The following SPIDR variants were observed in gnomAD, a reference collection of about 807,000 sequenced individuals.
The protein encoded by SPIDR is DNA repair-scaffolding protein.
Under a neutral mutation model 104.6 loss-of-function variants are expected in SPIDR, and 93 were observed. That is an observed-to-expected ratio of 0.89 (90% CI 0.75 to 1.06). The LOEUF (loss-of-function observed/expected upper bound fraction) is 1.06, where lower values mean the gene tolerates loss of function less well. Ranked by LOEUF, SPIDR falls within the 50% of genes least tolerant of loss-of-function variation. The pLI, the probability that SPIDR is intolerant of heterozygous loss-of-function variation, is 0.00. For missense variants in SPIDR, 1,154 were observed against 1,111.2 expected, an observed-to-expected ratio of 1.04 and a Z score of -0.55; for synonymous variants, 431 against 416.9, an observed-to-expected ratio of 1.03 and a Z score of -0.41.
chr8:47,674,074 C>G, intron 11 of SPIDR, 133 bp downstream of exon 11: 1 of 1,147,008 alleles, frequency 8.7e-7, no homozygotes, highest in Non-Finnish European at 1.2e-6. Flanking sequence ...TAAAACAAGG[C>G]CAGGAGTTGA....
intron 7 of SPIDR, among the ~76,000 whole-genome samples, chr8:47,436,772 C>A (rs1554692282): frequency 1.3e-5 from 2 of 152,122 alleles, no homozygotes; most frequent in Non-Finnish European, 1.5e-5. Context: ...TGGTATAAGT[C>A]GTCCCTTGCT....
chr8:47,356,467 TG>T (rs2154286287), intron 5 of SPIDR, among the ~76,000 whole-genome samples: 1 of 152,174 alleles, frequency 6.6e-6, no homozygotes, highest in South Asian at 2.1e-4. Context: ...TTTGCAACCA[TG>T]GGAAGAATTA....
chr8:47,279,856 C>G lies in SPIDR; in HGVS notation c.34-6C>G. ...TCGATTTTTCTTTTAAAAATCATCT[C>G]CACAGAGAAAAAGGAGTTGGAATAC... On this transcript the variant is annotated splice_region_variant and splice_polypyrimidine_tract_variant and intron_variant, in intron 1 of 19. Coordinates refer to ENST00000297423, the MANE Select transcript of SPIDR (RefSeq NM_001080394.4). 6.3e-7 allele frequency: 1 copy of G among 1,598,738 alleles called. No individual in the cohort carries two copies. Among genetic ancestry groups the G allele is most frequent in the Non-Finnish European group, 8.5e-7 (1 of 1,171,988 alleles).
At chr8:47,397,898 C>T (rs914549253) in intron 6 of SPIDR, among the ~76,000 whole-genome samples, 2 of 152,086 alleles carry the variant, frequency 1.3e-5, no homozygotes, top group South Asian at 2.1e-4. Context: ...AAACAGAGTT[C>T]GCACCATGGC....
chr8:47,564,072 C>CTTTTTTTT (rs869220760), intron 8 of SPIDR, among the ~76,000 whole-genome samples: 15 of 76,830 alleles, frequency 2.0e-4, no homozygotes, highest in South Asian at 1.1e-3. Context: ...TTTTTCTTTT[C>CTTTTTTTT]TTTTTTTTTT....
chr8:47,690,860 A>G (rs1333437277), intron 11 of SPIDR, among the ~76,000 whole-genome samples: 1 of 152,212 alleles, frequency 6.6e-6, no homozygotes, highest in Admixed American at 6.5e-5. Flanking sequence ...AAAATGTGAG[A>G]CATTCCAGAG....
intron 6 of SPIDR, among the ~76,000 whole-genome samples, chr8:47,401,737 A>C (rs2061921903): frequency 6.6e-6 from 1 of 152,238 alleles, no homozygotes; most frequent in Admixed American, 6.5e-5. Flanking sequence ...GAGACAAAGA[A>C]GGCCATTACA....
chr8:47,464,384 G>A (rs1209236590), intron 8 of SPIDR, among the ~76,000 whole-genome samples: 2 of 152,174 alleles, frequency 1.3e-5, no homozygotes, highest in South Asian at 2.1e-4. Flanking sequence ...TGCAGTTAAG[G>A]TGGAACAGCT....
intron 11 of SPIDR, among the ~76,000 whole-genome samples, chr8:47,691,062 A>G (rs942629159): frequency 1.3e-5 from 2 of 151,978 alleles, no homozygotes; most frequent in Non-Finnish European, 2.9e-5. Flanking sequence ...GAGGCCGAGG[A>G]GAGCAGATTG....
intron 7 of SPIDR, among the ~76,000 whole-genome samples, chr8:47,420,056 AGGTGT>A (rs1554678794): frequency 6.6e-6 from 1 of 152,172 alleles, no homozygotes; most frequent in East Asian, 1.9e-4. Context: ...GTTTTGGAAT[AGGTGT>A]GGTGTGGTGC....
chr8:47,369,241 G>T (rs1228367133), intron 5 of SPIDR, among the ~76,000 whole-genome samples: 1 of 152,180 alleles, frequency 6.6e-6, no homozygotes, highest in East Asian at 1.9e-4. Flanking sequence ...AAAGGTTTCT[G>T]CAAGGAGTAA....
chr8:47,414,336 C>G (rs1173527960), intron 7 of SPIDR, among the ~76,000 whole-genome samples: 1 of 151,948 alleles, frequency 6.6e-6, no homozygotes, highest in African/African-American at 2.4e-5. Flanking sequence ...GACTGGTGGT[C>G]CAGAATGAAG....
chr8:47,443,279 A>G (rs1554698649), intron 8 of SPIDR, among the ~76,000 whole-genome samples: 1 of 152,128 alleles, frequency 6.6e-6, no homozygotes, highest in Non-Finnish European at 1.5e-5. Context: ...TGCTTAAGAA[A>G]ATAGAAGAGG....
chr8:47,299,463 C>A (rs1350836909), intron 5 of SPIDR, among the ~76,000 whole-genome samples: 8 of 152,046 alleles, frequency 5.3e-5, no homozygotes, highest in African/African-American at 1.9e-4. Context: ...GCCTGATTGC[C>A]CTGGCCAGAA....
intron 10 of SPIDR, among the ~76,000 whole-genome samples, chr8:47,626,890 A>G (rs893100017): frequency 3.1e-4 from 47 of 152,298 alleles, no homozygotes; most frequent in African/African-American, 1.1e-3. Flanking sequence ...ATTACTGGGT[A>G]TATACCCAAA....
chr8:47,663,479 C>A (rs2074427321), intron 10 of SPIDR, among the ~76,000 whole-genome samples: 1 of 152,194 alleles, frequency 6.6e-6, no homozygotes, highest in Admixed American at 6.5e-5. Flanking sequence ...TTACTAGAAA[C>A]CCTAAGAAGG....
In SPIDR at chr8:47,430,729, C is replaced by T. The variant is rs538411894; in HGVS notation, c.878-9594C>T. On this transcript the variant is annotated intron_variant, in intron 7 of 19. Coordinates refer to ENST00000297423, the MANE Select transcript of SPIDR (RefSeq NM_001080394.4). ...CAACACATTTGTTTCTCAGTTGATG[C>T]CACATTTATAAAAATAGAAATACTT... is the stretch of plus-strand genomic sequence containing the variant. 1.4e-3 allele frequency among the ~76,000 whole-genome samples: 220 copies of T among 152,248 alleles called. 1 individual carries two copies. The highest frequency in any genetic ancestry group is 3.9e-3 in the Admixed American group (60 of 15,286).
At chr8:47,506,959 T>C (rs1188994854) in intron 8 of SPIDR, among the ~76,000 whole-genome samples, 1 of 152,204 alleles carries the variant, frequency 6.6e-6, no homozygotes, top group African/African-American at 2.4e-5. Context: ...CTTCTACCAC[T>C]GTGGTCACTT....
intron 10 of SPIDR, among the ~76,000 whole-genome samples, chr8:47,654,742 A>C (rs2072395605): frequency 6.6e-6 from 1 of 152,124 alleles, no homozygotes. Flanking sequence ...TTTTTTATAT[A>C]TACTTTAAGT....
Sources: gnomAD v4.1 joint callset for allele counts (sites outside exome capture counted in the v4.1 genomes callset) on GRCh38, gnomAD v4.1.1 for gene constraint, MANE v1.5 for transcripts, NCBI Gene and HGNC (gene_info 2026-07-23, HGNC 2026-07-21) for gene names.